Variants in STK32B observed in about 807,000 individuals in gnomAD.
STK32B encodes serine/threonine-protein kinase 32B.
A neutral mutation model predicts 52.6 loss-of-function variants in STK32B; 43 were observed. That is an observed-to-expected ratio of 0.82 (90% CI 0.64 to 1.05). STK32B has a LOEUF of 1.05. STK32B is among the 50% of genes least tolerant of loss of function. STK32B has a pLI of 0.00. For missense variants in STK32B, 621 were observed against 534.6 expected (o/e 1.16, Z -1.59); for synonymous variants, 238 against 204.3 (o/e 1.17, Z -1.41).
At chr4:5,335,141 G>A (rs1165480388) in intron 4 of STK32B, among the ~76,000 whole-genome samples, 2 of 152,124 alleles carry the variant, frequency 1.3e-5, no homozygotes, top group African/African-American at 4.8e-5. Flanking sequence ...ATTGATTATT[G>A]CCACAATTTC....
At chr4:5,168,984 A>T (rs1053932365) in intron 3 of STK32B, among the ~76,000 whole-genome samples, 1 of 152,200 alleles carries the variant, frequency 6.6e-6, no homozygotes, top group East Asian at 1.9e-4. Flanking sequence ...TCCTAGAAAC[A>T]CATCCTGTTG....
At chr4:5,119,459 C>T (rs1714911131) in intron 1 of STK32B, among the ~76,000 whole-genome samples, 1 of 152,232 alleles carries the variant, frequency 6.6e-6, no homozygotes, top group African/African-American at 2.4e-5. Flanking sequence ...TAGCAACCTT[C>T]TGAAAATGAA....
At chr4:5,218,505 C>T (rs1295110644) in intron 3 of STK32B, among the ~76,000 whole-genome samples, 2 of 152,166 alleles carry the variant, frequency 1.3e-5, no homozygotes, top group Admixed American at 1.3e-4. Flanking sequence ...TTGGCCAATT[C>T]CTGTAGTCAG....
At chr4:5,486,001 CG>C (rs1348750469) in intron 11 of STK32B, among the ~76,000 whole-genome samples, 2 of 152,154 alleles carry the variant, frequency 1.3e-5, no homozygotes, top group Non-Finnish European at 2.9e-5. Flanking sequence ...GCCCCTACTG[CG>C]GGGTGCCTCC....
intron 3 of STK32B, among the ~76,000 whole-genome samples, chr4:5,225,040 A>G (rs1378677255): frequency 2.6e-5 from 4 of 152,304 alleles, no homozygotes; most frequent in East Asian, 1.9e-4. Context: ...GTTTGTTCCA[A>G]GGACCTCTTA....
intron 3 of STK32B, among the ~76,000 whole-genome samples, chr4:5,206,261 C>T (rs112428647): frequency 1.3e-3 from 199 of 152,322 alleles, no homozygotes; most frequent in Non-Finnish European, 2.4e-3. Flanking sequence ...TAATCAGAAT[C>T]TTCCTTTTCA....
chr4:5,238,136 G>A (rs1414121915), intron 3 of STK32B, among the ~76,000 whole-genome samples: 1 of 152,124 alleles, frequency 6.6e-6, no homozygotes, highest in African/African-American at 2.4e-5. Flanking sequence ...ACCACAAACT[G>A]GGTGTCTTCA....
chr4:5,231,819 G>A (rs1022887883), intron 3 of STK32B, among the ~76,000 whole-genome samples: 4 of 152,162 alleles, frequency 2.6e-5, no homozygotes, highest in Admixed American at 2.6e-4. Flanking sequence ...AAGAGAAAGA[G>A]ATCAATAGCC....
intron 3 of STK32B, among the ~76,000 whole-genome samples, chr4:5,175,387 T>A (rs1248667608): frequency 6.6e-6 from 1 of 152,248 alleles, no homozygotes; most frequent in East Asian, 1.9e-4. Flanking sequence ...CTCTGATTTT[T>A]AGAGTTTCCA....
intron 2 of STK32B, among the ~76,000 whole-genome samples, chr4:5,143,348 C>T (rs1162659222): frequency 6.6e-6 from 1 of 152,198 alleles, no homozygotes; most frequent in Non-Finnish European, 1.5e-5. Context: ...TTTTGACTCT[C>T]TGCAAATGAT....
chr4:5,351,513 G>A (rs1400896291), intron 4 of STK32B, among the ~76,000 whole-genome samples: 2 of 151,940 alleles, frequency 1.3e-5, no homozygotes, highest in Admixed American at 6.6e-5. Context: ...CATCAAAAGA[G>A]TAGAAAGATT....
intron 2 of STK32B, among the ~76,000 whole-genome samples, chr4:5,146,072 A>G (rs1406819016): frequency 6.9e-6 from 1 of 144,050 alleles, no homozygotes; most frequent in Non-Finnish European, 1.5e-5. Flanking sequence ...TTTCCCTAGT[A>G]TGGACATCAG....
intron 1 of STK32B, 115 bp from the exon 2 acceptor site, chr4:5,139,790 G>A (rs1199045874): frequency 8.5e-7 from 1 of 1,174,674 alleles, no homozygotes; most frequent in Non-Finnish European, 1.3e-6. Context: ...CAAGTATAGT[G>A]CACCTGACCC....
chr4:5,192,529 A>C (rs1308507648), intron 3 of STK32B, among the ~76,000 whole-genome samples: 4 of 152,226 alleles, frequency 2.6e-5, no homozygotes, highest in Non-Finnish European at 4.4e-5. Flanking sequence ...GCATCAGTTT[A>C]AATGTGATCA....
At chr4:5,081,461 CT>C (rs1462379992) in intron 1 of STK32B, among the ~76,000 whole-genome samples, 1 of 152,016 alleles carries the variant, frequency 6.6e-6, no homozygotes, top group African/African-American at 2.4e-5. Context: ...GATTTCTGGC[CT>C]TTTCTCTCTC....
intron 11 of STK32B, among the ~76,000 whole-genome samples, chr4:5,496,043 G>A (rs1388484864): frequency 6.6e-6 from 1 of 152,246 alleles, no homozygotes; most frequent in Non-Finnish European, 1.5e-5. Flanking sequence ...ACCCACTTGA[G>A]GAGGCAGTCT....
rs112198154 is a variant in STK32B, at chr4:5,080,912, A to G, written c.52+28997A>G. ...TAGGTCTCCAGAACGATTTGATTTT[A>G]TATGGGAAAGTCTGTACCTTTTAGC... On this transcript the variant is annotated intron_variant, in intron 1 of 11. Coordinates refer to ENST00000282908, the MANE Select transcript of STK32B (RefSeq NM_018401.3). Among the ~76,000 whole-genome samples, 28 of 152,276 alleles carry G rather than the reference A, an allele frequency of 1.8e-4. 1 individual carries two copies. The highest frequency in any genetic ancestry group is 1.2e-3 in the South Asian group (6 of 4,822).
chr4:5,223,284 C>T (rs186350396), intron 3 of STK32B, among the ~76,000 whole-genome samples: 3 of 152,188 alleles, frequency 2.0e-5, no homozygotes, highest in Non-Finnish European at 4.4e-5. Context: ...AGGCAAAGAT[C>T]TGCTGCAGGG....
At chr4:5,037,905 G>GT in the STK32B span, among the ~76,000 whole-genome samples, 18 of 152,084 alleles carry the variant, frequency 1.2e-4, no homozygotes, top group Non-Finnish European at 2.6e-4. Flanking sequence ...ATGGGCACAT[G>GT]TTTTTTGGGT....
Sources: gnomAD v4.1 joint callset for allele counts (sites outside exome capture counted in the v4.1 genomes callset) on GRCh38, gnomAD v4.1.1 for gene constraint, MANE v1.5 for transcripts, NCBI Gene and HGNC (gene_info 2026-07-23, HGNC 2026-07-21) for gene names.